The following SLC71A1 variants were observed in gnomAD, a reference collection of about 807,000 sequenced individuals.
The protein encoded by SLC71A1 is solute carrier family 71 member 1, also known as hippocampus abundant gene transcript 1.
chr1:100,044,185 T>G, the SLC71A1 span, among the ~76,000 whole-genome samples: 1 of 152,200 alleles, frequency 6.6e-6, no homozygotes, highest in Non-Finnish European at 1.5e-5. Context: ...GTCAAAGTGT[T>G]CATTTGTCAC....
chr1:100,081,106 GCTTA>G, the SLC71A1 span, among the ~76,000 whole-genome samples: 1 of 152,118 alleles, frequency 6.6e-6, no homozygotes, highest in African/African-American at 2.4e-5. Context: ...CAGTTTCCTG[GCTTA>G]TTTAGCAGAG....
chr1:100,053,505 C>A, the SLC71A1 span, among the ~76,000 whole-genome samples: 1 of 152,176 alleles, frequency 6.6e-6, no homozygotes, highest in African/African-American at 2.4e-5. Flanking sequence ...CAGTATCTTT[C>A]ATTTCCCTGT....
chr1:100,079,325 A>G, the SLC71A1 span: 5 of 151,858 alleles, frequency 3.3e-5, no homozygotes, highest in African/African-American at 4.8e-5. Context: ...ATCTGAAGAT[A>G]TGTAACACAG....
At chr1:100,056,842 T>C in the SLC71A1 span, among the ~76,000 whole-genome samples, 1 of 152,174 alleles carries the variant, frequency 6.6e-6, no homozygotes, top group East Asian at 1.9e-4. Flanking sequence ...TCCACATCCT[T>C]GCCTATCTTT....
At chr1:100,078,344 CT>C in the SLC71A1 span, 2 of 724,206 alleles carry the variant, frequency 2.8e-6, no homozygotes, top group African/African-American at 1.8e-5. Context: ...TTCAGTTCTC[CT>C]TTTCTCTACA....
chr1:100,044,511 ATTTT>A, the SLC71A1 span, among the ~76,000 whole-genome samples: 1 of 103,168 alleles, frequency 9.7e-6, no homozygotes, highest in Non-Finnish European at 1.9e-5. Flanking sequence ...TACTCTGCTG[ATTTT>A]TTTTTTTTTT....
At chr1:100,055,472 C>T in the SLC71A1 span, among the ~76,000 whole-genome samples, 1 of 151,598 alleles carries the variant, frequency 6.6e-6, no homozygotes, top group Admixed American at 6.6e-5. Flanking sequence ...TTAATGCATG[C>T]AGTAGAACTC....
At chr1:100,077,084 C>T in the SLC71A1 span, 2 of 675,204 alleles carry the variant, frequency 3.0e-6, no homozygotes, top group Non-Finnish European at 5.1e-6. Flanking sequence ...AGAAAAGTGC[C>T]AATAGTCCTT....
the SLC71A1 span, among the ~76,000 whole-genome samples, chr1:100,043,724 C>G: frequency 2.0e-5 from 3 of 152,312 alleles, no homozygotes; most frequent in South Asian, 4.1e-4. Context: ...AAGCTTCCCC[C>G]CCATCCTCAA....
the SLC71A1 span, among the ~76,000 whole-genome samples, chr1:100,056,819 G>A: frequency 2.0e-5 from 3 of 152,090 alleles, no homozygotes; most frequent in African/African-American, 2.4e-5. Flanking sequence ...CAGTGTATGA[G>A]TGTTCCCTTT....
chr1:100,072,835 A>G, the SLC71A1 span, among the ~76,000 whole-genome samples: 124 of 152,210 alleles, frequency 8.1e-4, no homozygotes, highest in Non-Finnish European at 1.5e-3. Flanking sequence ...AAGTGTTTAC[A>G]TGAGAACATC....
the SLC71A1 span, among the ~76,000 whole-genome samples, chr1:100,043,411 A>G: frequency 6.6e-6 from 1 of 152,198 alleles, no homozygotes; most frequent in Non-Finnish European, 1.5e-5. Flanking sequence ...CTTTATAACA[A>G]AGAAATATCC....
chr1:100,060,292 A>G, the SLC71A1 span, among the ~76,000 whole-genome samples: 1 of 152,204 alleles, frequency 6.6e-6, no homozygotes, highest in South Asian at 2.1e-4. Context: ...GGGACTGGAT[A>G]GGATTGCTAA....
chr1:100,069,543 T>G, the SLC71A1 span: 2 of 862,894 alleles, frequency 2.3e-6, no homozygotes, highest in Non-Finnish European at 3.9e-6. Flanking sequence ...AATATACAAG[T>G]AGCTGCAGTG....
the SLC71A1 span, chr1:100,061,922 G>T: frequency 6.2e-7 from 1 of 1,611,568 alleles, no homozygotes; most frequent in Non-Finnish European, 8.5e-7. Context: ...TAACCCAAGA[G>T]CATGAAAGAA....
the SLC71A1 span, chr1:100,057,931 C>T: frequency 1.3e-5 from 2 of 152,178 alleles, no homozygotes; most frequent in Non-Finnish European, 2.9e-5. Context: ...TCAGTTGCCT[C>T]ATATGTAAAG....
the SLC71A1 span, among the ~76,000 whole-genome samples, chr1:100,080,942 C>G: frequency 2.6e-5 from 4 of 152,172 alleles, no homozygotes; most frequent in Non-Finnish European, 5.9e-5. Flanking sequence ...TGAAACTTTT[C>G]TAATATCACA....
the SLC71A1 span, among the ~76,000 whole-genome samples, chr1:100,062,778 A>G: frequency 1.3e-5 from 2 of 152,116 alleles, no homozygotes; most frequent in African/African-American, 4.8e-5. Flanking sequence ...AAGTTAGAAA[A>G]AGAACTAATA....
chr1:100,076,137 A>G, the SLC71A1 span, among the ~76,000 whole-genome samples: 24 of 152,212 alleles, frequency 1.6e-4, no homozygotes, highest in Admixed American at 1.1e-3. Context: ...TGTGAGTTCT[A>G]ATTGCTCAAA....
Sources: allele counts gnomAD v4.1 joint callset (sites outside exome capture counted in the v4.1 genomes callset), GRCh38; gene constraint gnomAD v4.1.1; transcripts MANE v1.5; gene names NCBI Gene and HGNC (gene_info 2026-07-23, HGNC 2026-07-21).